Variants in GOLIM4 observed in about 807,000 individuals in gnomAD.
The protein encoded by GOLIM4 is 130 kDa golgi-localized phosphoprotein.
In GOLIM4, 71 loss-of-function variants were observed where a neutral mutation model predicts 107.4. The ratio of observed to expected loss-of-function variants is 0.66; its 90% CI spans 0.55 to 0.81. The LOEUF (loss-of-function observed/expected upper bound fraction) is 0.81. Among genes scored for constraint, GOLIM4 ranks in the 30% least tolerant of loss-of-function variants. GOLIM4 has a pLI of 0.00. For synonymous variants in GOLIM4, 327 were observed against 294.8 expected, an observed-to-expected ratio of 1.11 and a Z score of -1.12; for missense variants, 830 against 826.1, an observed-to-expected ratio of 1.00 and a Z score of -0.06.
At chr3:168,022,550 A>T (rs992624651) in intron 14 of GOLIM4, among the ~76,000 whole-genome samples, 2 of 151,898 alleles carry the variant, frequency 1.3e-5, no homozygotes, top group African/African-American at 2.4e-5. Context: ...TTTGGGAACC[A>T]CTCTTCTCCT....
chr3:168,081,820 A>C (rs886886903), intron 1 of GOLIM4, among the ~76,000 whole-genome samples: 1 of 152,232 alleles, frequency 6.6e-6, no homozygotes, highest in Non-Finnish European at 1.5e-5. Flanking sequence ...TATTTTACTA[A>C]GAAATTACTA....
Position 168,010,835 on chromosome 3 carries a change from C to T in GOLIM4, c.1861-12G>A, listed in dbSNP as rs1393987129. ...AAATCTTCCTGAACCTAAAACAAACCACAGATATCATTTAAACACTTTTGT... is the reference window on the plus strand; with the variant it reads ...AAATCTTCCTGAACCTAAAACAAACTACAGATATCATTTAAACACTTTTGT... On this transcript the variant is annotated splice_polypyrimidine_tract_variant and intron_variant, in intron 14 of 15. Coordinates refer to ENST00000470487, the MANE Select transcript of GOLIM4 (RefSeq NM_014498.5). The T allele has an allele frequency of 6.4e-7, 1 of 1,567,820 alleles. No individual in the cohort carries two copies. Among genetic ancestry groups the T allele is most frequent in the Admixed American group, 1.7e-5 (1 of 59,970 alleles).
At chr3:168,065,830 G>C (rs1050208163) in intron 1 of GOLIM4, among the ~76,000 whole-genome samples, 1 of 152,216 alleles carries the variant, frequency 6.6e-6, no homozygotes, top group Non-Finnish European at 1.5e-5. Context: ...CCAGAGGCAA[G>C]GGGTCCAGAG....
chr3:168,020,711 T>C (rs986435726), intron 14 of GOLIM4, among the ~76,000 whole-genome samples: 3 of 152,196 alleles, frequency 2.0e-5, no homozygotes, highest in South Asian at 2.1e-4. Flanking sequence ...ATTTTGTAAT[T>C]TTCCACACAT....
chr3:168,013,951 T>C (rs1432301422), intron 14 of GOLIM4, among the ~76,000 whole-genome samples: 2 of 149,340 alleles, frequency 1.3e-5, no homozygotes, highest in African/African-American at 2.5e-5. Context: ...AGATCCAAAA[T>C]TGACACCCTA....
intron 12 of GOLIM4, 33 bp from the exon 13 acceptor site, chr3:168,025,128 T>A: frequency 6.5e-7 from 1 of 1,545,412 alleles, no homozygotes; most frequent in Non-Finnish European, 8.8e-7. Context: ...AACTATCACT[T>A]CAAAACTGAG....
At chr3:168,047,729 C>G (rs567881825) in intron 2 of GOLIM4, among the ~76,000 whole-genome samples, 46 of 152,292 alleles carry the variant, frequency 3.0e-4, no homozygotes, top group African/African-American at 1.0e-3. Context: ...TGGAAAAATT[C>G]TGATAAAAAT....
At chr3:168,081,918 T>A (rs1248999447) in intron 1 of GOLIM4, among the ~76,000 whole-genome samples, 1 of 152,012 alleles carries the variant, frequency 6.6e-6, no homozygotes, top group African/African-American at 2.4e-5. Flanking sequence ...GGTAAGAGGG[T>A]TAATAGTCAG....
At chr3:168,030,608 C>A (rs1229527078) in intron 9 of GOLIM4, among the ~76,000 whole-genome samples, 1 of 151,194 alleles carries the variant, frequency 6.6e-6, no homozygotes, top group Non-Finnish European at 1.5e-5. Context: ...GAAGATGGTG[C>A]CTTCTGATTA....
intron 1 of GOLIM4, among the ~76,000 whole-genome samples, chr3:168,091,616 A>C (rs145001002): frequency 9.3e-4 from 141 of 152,290 alleles, no homozygotes; most frequent in African/African-American, 3.1e-3. Context: ...CCCATGACAA[A>C]CCTGGCAAGA....
intron 10 of GOLIM4, 34 bp downstream of exon 10, chr3:168,029,746 G>A (rs1560075564): frequency 1.2e-6 from 2 of 1,604,452 alleles, no homozygotes; most frequent in Non-Finnish European, 8.5e-7. Flanking sequence ...TGGAGCAGGG[G>A]CTGTCTTCGT....
Position 168,095,440 on chromosome 3 carries a change from C to T in GOLIM4, c.-155G>A. Reference sequence around the variant, plus strand: ...GCCGGCCCGGAGGGGAAGTGGCGCCCGCTCAGCCCCCGCGCGGCGCGGGGC... The same window carrying T: ...GCCGGCCCGGAGGGGAAGTGGCGCCTGCTCAGCCCCCGCGCGGCGCGGGGC... On this transcript the variant is annotated 5_prime_UTR_variant, in exon 1 of 16. Coordinates refer to ENST00000470487, the MANE Select transcript of GOLIM4 (RefSeq NM_014498.5). 1 of 586,652 alleles carries T rather than the reference C, an allele frequency of 1.7e-6. No individual in the cohort carries two copies. Among genetic ancestry groups the T allele is most frequent in the Middle Eastern group, 4.6e-4 (1 of 2,162 alleles). 36.3% of individuals were successfully genotyped at this position (586,652 alleles called of 1,614,324 possible). A position where few individuals can be genotyped will look rare whatever the true frequency, so the allele number is the denominator to read the frequency against.
At chr3:168,081,743 CA>C (rs1721379967) in intron 1 of GOLIM4, among the ~76,000 whole-genome samples, 1 of 152,114 alleles carries the variant, frequency 6.6e-6, no homozygotes, top group South Asian at 2.1e-4. Flanking sequence ...TTTTCAGCAT[CA>C]AATAATATCA....
intron 1 of GOLIM4, among the ~76,000 whole-genome samples, chr3:168,093,507 C>A (rs1383516978): frequency 6.6e-6 from 1 of 152,166 alleles, no homozygotes; most frequent in Non-Finnish European, 1.5e-5. Flanking sequence ...ACCATACATG[C>A]CCCTTCCAGC....
chr3:168,092,055 T>C (rs2108298952), intron 1 of GOLIM4, among the ~76,000 whole-genome samples: 1 of 152,298 alleles, frequency 6.6e-6, no homozygotes, highest in Admixed American at 6.5e-5. Flanking sequence ...CCATAGACTG[T>C]TATTTAATTG....
At chr3:168,055,574 G>A (rs916093313) in intron 1 of GOLIM4, among the ~76,000 whole-genome samples, 2 of 151,954 alleles carry the variant, frequency 1.3e-5, no homozygotes, top group African/African-American at 4.8e-5. Context: ...CGAGGTGGAG[G>A]GATCATGAGG....
At chr3:168,045,067 C>T (rs1438083873) in intron 3 of GOLIM4, among the ~76,000 whole-genome samples, 186 bp from the exon 4 acceptor site, 1 of 152,112 alleles carries the variant, frequency 6.6e-6, no homozygotes, top group Non-Finnish European at 1.5e-5. Context: ...TAACATTCCC[C>T]TTAGTTTGCT....
chr3:168,015,589 C>T (rs1156918395), intron 14 of GOLIM4, among the ~76,000 whole-genome samples: 1 of 136,896 alleles, frequency 7.3e-6, no homozygotes, highest in Non-Finnish European at 1.5e-5. Flanking sequence ...CCAAGTCAAT[C>T]CTAAGCCAAA....
intron 14 of GOLIM4, among the ~76,000 whole-genome samples, chr3:168,011,094 G>C (rs547323746): frequency 1.9e-3 from 292 of 152,268 alleles, no homozygotes; most frequent in Non-Finnish European, 3.3e-3. Context: ...TGTGAGCGAC[G>C]CAGAAGACAG....
Sources: allele counts gnomAD v4.1 joint callset (sites outside exome capture counted in the v4.1 genomes callset), GRCh38; gene constraint gnomAD v4.1.1; transcripts MANE v1.5; gene names NCBI Gene and HGNC (gene_info 2026-07-23, HGNC 2026-07-21).